GABRG1: variants seen among roughly 807,000 people sequenced by gnomAD.
GABRG1 encodes the protein gamma-aminobutyric acid type A receptor subunit gamma1, also known as gamma-aminobutyric acid receptor subunit gamma-1.
A neutral mutation model predicts 49.8 loss-of-function variants in GABRG1; 49 were observed. The ratio of observed to expected loss-of-function variants is 0.98; its 90% confidence interval spans 0.78 to 1.25. The LOEUF is 1.25. Among genes scored for constraint, GABRG1 ranks in the 50% most tolerant of loss-of-function variants. GABRG1 has a pLI of 0.00. For synonymous variants in GABRG1, 232 were observed against 185.1 expected (o/e 1.25, Z -2.06); for missense variants, 552 against 552.3 (o/e 1.00, Z 0.01).
intron 8 of GABRG1, among the ~76,000 whole-genome samples, chr4:46,047,062 G>T (rs542769884): frequency 1.1e-4 from 17 of 151,950 alleles, no homozygotes; most frequent in African/African-American, 4.1e-4. Context: ...CACTTTCTGT[G>T]ATGACAATGT....
chr4:46,084,866 G>T (rs1440035723), intron 2 of GABRG1, among the ~76,000 whole-genome samples: 1 of 151,568 alleles, frequency 6.6e-6, no homozygotes, highest in Non-Finnish European at 1.5e-5. Flanking sequence ...CTTCTGAGAT[G>T]AGTTGCTTTA....
Position 46,039,292 on chromosome 4 carries a change from T to C in GABRG1, c.*1696A>G, listed in dbSNP as rs1356530931. ...ATATTGGGCATTACCATTTGATTCA[T>C]GCTTATTTTTTTCCAGAAGTTTATG... On this transcript the variant is annotated 3_prime_UTR_variant, in exon 9 of 9. Transcript: ENST00000295452. 1.3e-5 allele frequency: 2 copies of C among 151,344 alleles called. No homozygotes were observed. Among genetic ancestry groups the C allele is most frequent in the East Asian group, 1.9e-4 (1 of 5,174 alleles). The allele number at this position is 151,344 out of a possible 1,614,324, so 9.4% of individuals were successfully genotyped here. A position where few individuals can be genotyped will look rare whatever the true frequency, so the allele number is the denominator to read the frequency against.
intron 5 of GABRG1, among the ~76,000 whole-genome samples, chr4:46,061,691 A>G (rs995113896): frequency 1.3e-5 from 2 of 151,898 alleles, no homozygotes; most frequent in African/African-American, 2.4e-5. Flanking sequence ...AGGATAAATA[A>G]AAGCATTTTA....
chr4:46,108,677 C>T (rs983510837), intron 1 of GABRG1, among the ~76,000 whole-genome samples: 13 of 150,822 alleles, frequency 8.6e-5, no homozygotes, highest in African/African-American at 3.1e-4. Flanking sequence ...GTGATGGGCA[C>T]TAAGTTAGCA....
At chr4:46,074,599 C>A (rs948383886) in intron 3 of GABRG1, among the ~76,000 whole-genome samples, 3 of 152,042 alleles carry the variant, frequency 2.0e-5, no homozygotes, top group Non-Finnish European at 4.4e-5. Context: ...TTTATTATAA[C>A]AAAATGTCCG....
Position 46,104,531 on chromosome 4 carries a change from G to T in GABRG1, c.105-7182C>A, listed in dbSNP as rs549607359. ...ACATATAGCCATAATACATTATTAC[G>T]TGTAGTCACATAATCCCTTTTTCCA... On this transcript the variant is annotated intron_variant, in intron 1 of 8. Transcript: ENST00000295452. Among the ~76,000 whole-genome samples the T allele has an allele frequency of 3.3e-5, 5 of 151,470 alleles. No homozygotes were observed. The South Asian group carries it at 6.2e-4, about 19-fold the overall frequency.
intron 2 of GABRG1, 110 bp from the exon 3 acceptor site, chr4:46,084,163 C>A: frequency 1.6e-6 from 1 of 617,918 alleles, no homozygotes; most frequent in South Asian, 2.0e-5. Flanking sequence ...ACACTTCAAT[C>A]ATAAAACATC....
rs573059588 is a variant in GABRG1 at position 46,118,981 on chromosome 4, A to G, written c.104+4829T>C. On this transcript the variant is annotated intron_variant, in intron 1 of 8. Transcript: ENST00000295452. The stretch of plus-strand genomic sequence containing the variant: ...TACTTGGTTATGGTTTGTCTACTAC[A>G]TCTATACATAATAAATTCAAACATG... Among the ~76,000 whole-genome samples the G allele has an allele frequency of 2.6e-5, 4 of 151,410 alleles. No individual in the cohort carries two copies. The South Asian group carries it at 6.2e-4, about 24-fold the overall frequency.
intron 3 of GABRG1, among the ~76,000 whole-genome samples, chr4:46,081,393 A>G (rs1719562059): frequency 6.6e-6 from 1 of 151,856 alleles, no homozygotes; most frequent in Non-Finnish European, 1.5e-5. Context: ...AATGTGACAA[A>G]GATGTCACTT....
chr4:46,051,225 G>T (rs529057090), intron 8 of GABRG1, among the ~76,000 whole-genome samples, 199 bp downstream of exon 8: 3 of 151,846 alleles, frequency 2.0e-5, no homozygotes, highest in South Asian at 4.2e-4. Flanking sequence ...TTACACAGGG[G>T]ATCCAATGGG....
At chr4:46,043,866 T>A (rs1439624915) in intron 8 of GABRG1, among the ~76,000 whole-genome samples, 1 of 151,928 alleles carries the variant, frequency 6.6e-6, no homozygotes. Context: ...TAAAATATAT[T>A]TTAAGCACCA....
chr4:46,074,215 A>ACTGC (rs1357005400), intron 3 of GABRG1, among the ~76,000 whole-genome samples: 2 of 152,298 alleles, frequency 1.3e-5, no homozygotes, highest in East Asian at 3.9e-4. Flanking sequence ...TACATCTGTG[A>ACTGC]CTGCCCTGTA....
intron 2 of GABRG1, among the ~76,000 whole-genome samples, chr4:46,090,967 C>CAT: frequency 6.6e-6 from 1 of 150,892 alleles, no homozygotes; most frequent in East Asian, 2.0e-4. Context: ...CACACACACA[C>CAT]ACACACACAC....
chr4:46,081,070 G>A (rs540065445), intron 3 of GABRG1, among the ~76,000 whole-genome samples: 1 of 151,236 alleles, frequency 6.6e-6, no homozygotes, highest in African/African-American at 2.4e-5. Flanking sequence ...TGGTTTCCAC[G>A]TCATTGTTTT....
At chr4:46,075,949 A>T (rs550432247) in intron 3 of GABRG1, among the ~76,000 whole-genome samples, 1 of 152,148 alleles carries the variant, frequency 6.6e-6, no homozygotes, top group South Asian at 2.1e-4. Flanking sequence ...ATGGAGATTC[A>T]GGAGGGTGGA....
Position 46,058,344 on chromosome 4 carries a change from A to C in GABRG1, c.789T>G (p.Phe263Leu). 1 of 1,611,926 alleles carries C rather than the reference A, an allele frequency of 6.2e-7. No homozygotes were observed. Among genetic ancestry groups the C allele is most frequent in the African/African-American group, 1.3e-5 (1 of 74,940 alleles). The change falls in exon 7 of 9, where the codon TTT becomes TTG. Residue 263 changes from phenylalanine (F) to leucine (L), a missense_variant. Physicochemically the swap from Phe to Leu is conservative, Grantham distance 22. Transcript: ENST00000295452. ...ATCCCATTCTTCTGCTCAGGTCAAA[A>C]AAAATTGTCATGATAACATAATCCC... ...ISGDYVIMTI[F>L]FDLSRRMGYF...
At chr4:46,044,956 A>T (rs1169886723) in intron 8 of GABRG1, among the ~76,000 whole-genome samples, 1 of 152,134 alleles carries the variant, frequency 6.6e-6, no homozygotes. Context: ...TAGAATGTAT[A>T]TGTGTATATT....
chr4:46,080,481 T>C (rs1164088355), intron 3 of GABRG1, among the ~76,000 whole-genome samples: 1 of 151,912 alleles, frequency 6.6e-6, no homozygotes, highest in Admixed American at 6.6e-5. Flanking sequence ...TATTTGTTTA[T>C]TTTCACCTGT....
chr4:46,090,604 C>T (rs1161666987), intron 2 of GABRG1, among the ~76,000 whole-genome samples: 1 of 151,930 alleles, frequency 6.6e-6, no homozygotes, highest in Admixed American at 6.6e-5. Context: ...GACTCTGATG[C>T]TTCCTTTGTG....
Sources: gnomAD v4.1 joint callset for allele counts (sites outside exome capture counted in the v4.1 genomes callset) on GRCh38, gnomAD v4.1.1 for gene constraint, MANE v1.5 for transcripts, NCBI Gene and HGNC (gene_info 2026-07-23, HGNC 2026-07-21) for gene names.